Variants in SLC25A48 observed in about 807,000 individuals in gnomAD.
SLC25A48 encodes the protein solute carrier family 25 member 48, also known as CTC-321K16.1.
Under a neutral mutation model 32.2 loss-of-function variants are expected in SLC25A48, and 29 were observed. The ratio of observed to expected loss-of-function variants is 0.90; its 90% CI spans 0.67 to 1.23. The LOEUF is 1.23. SLC25A48 is among the 50% of genes most tolerant of loss of function. SLC25A48 has a pLI of 0.00. For missense variants in SLC25A48, 399 were observed against 422.7 expected (o/e 0.94, Z 0.49); for synonymous variants, 164 against 172.3 (o/e 0.95, Z 0.38).
In SLC25A48 at chr5:135,629,430, C is replaced by A; in HGVS notation, c.-709+54C>A. 6.6e-6 allele frequency: 1 copy of A among 152,418 alleles called. No homozygotes were observed. 9.4% of individuals were successfully genotyped at this position (152,418 alleles called of 1,614,324 possible). On this transcript the variant is annotated intron_variant, in intron 2 of 10. Transcript: ENST00000646290. The surrounding 1 kb of genome is among the most constrained non-coding windows in gnomAD (Gnocchi z 4.8). ...CACAGTGCCCCACTTTGTTGGCTGC[C>A]CCTGAGAGGCAGTTGGGTACACAGG...
At chr5:135,624,057 G>T (rs909967462) in intron 1 of SLC25A48, among the ~76,000 whole-genome samples, 2 of 152,160 alleles carry the variant, frequency 1.3e-5, no homozygotes, top group East Asian at 3.9e-4. Context: ...GGGAGCGGGG[G>T]GTTGGTGTGG....
At chr5:135,633,007 T>C (rs780021758) in intron 2 of SLC25A48, among the ~76,000 whole-genome samples, 4 of 152,178 alleles carry the variant, frequency 2.6e-5, no homozygotes, top group Non-Finnish European at 4.4e-5. Flanking sequence ...AATGATCTGT[T>C]GTGACAAATG....
chr5:135,853,380 C>T (rs1760052433), intron 4 of SLC25A48, among the ~76,000 whole-genome samples: 1 of 152,206 alleles, frequency 6.6e-6, no homozygotes, highest in South Asian at 2.1e-4. Flanking sequence ...GCATTTTACC[C>T]ACAGTAGAAC....
At chr5:135,815,408 T>C (rs1757690788) in intron 4 of SLC25A48, among the ~76,000 whole-genome samples, 1 of 152,168 alleles carries the variant, frequency 6.6e-6, no homozygotes, top group African/African-American at 2.4e-5. Context: ...TGCCAGCTGC[T>C]CACCTCCTGC....
intron 3 of SLC25A48, among the ~76,000 whole-genome samples, chr5:135,676,946 G>A (rs1377719146): frequency 1.3e-5 from 1 of 77,076 alleles, no homozygotes; most frequent in African/African-American, 4.0e-5. Flanking sequence ...TGGATGAAAT[G>A]TTCTGTAAAT....
chr5:135,789,079 AAGAG>A (rs754435899), intron 3 of SLC25A48, among the ~76,000 whole-genome samples: 1 of 148,282 alleles, frequency 6.7e-6, no homozygotes, highest in Non-Finnish European at 1.5e-5. Context: ...AATATCCGAG[AAGAG>A]AGAGAGAGGT....
At chr5:135,658,470 T>C in intron 3 of SLC25A48, among the ~76,000 whole-genome samples, 1 of 152,192 alleles carries the variant, frequency 6.6e-6, no homozygotes, top group East Asian at 1.9e-4. Flanking sequence ...TGTGCTGGCA[T>C]TGAGTGCCTG....
rs564329401 is a variant in SLC25A48, at chr5:135,806,068, C to G, written c.-520-6455C>G. The stretch of plus-strand genomic sequence containing the variant: ...TGTAATAGCTTAGGGAGATATTATC[C>G]CTAATATCTCAGTTATTGTACACCC... On this transcript the variant is annotated intron_variant, in intron 3 of 10. Transcript: ENST00000646290. 2.0e-5 allele frequency among the ~76,000 whole-genome samples: 3 copies of G among 151,592 alleles called. No individual in the cohort carries two copies. In the East Asian group the frequency reaches 5.8e-4, roughly 29 times the overall value.
chr5:135,682,120 G>T (rs1753911657), intron 3 of SLC25A48, among the ~76,000 whole-genome samples: 2 of 152,134 alleles, frequency 1.3e-5, no homozygotes, highest in Non-Finnish European at 1.5e-5. Flanking sequence ...TCTTAACTTA[G>T]GAGAATTTAT....
At chr5:135,710,231 G>A (rs1038799766) in intron 3 of SLC25A48, among the ~76,000 whole-genome samples, 4 of 152,210 alleles carry the variant, frequency 2.6e-5, no homozygotes, top group African/African-American at 4.8e-5. Flanking sequence ...GCTGGTTTTC[G>A]CACAGCTTTG....
At position 135,664,956 on chromosome 5, in the gene SLC25A48, G is replaced by A. The variant is rs557137528; in HGVS notation, c.-521+30000G>A. On this transcript the variant is annotated intron_variant, in intron 3 of 10. Coordinates refer to the SLC25A48 transcript ENST00000646290. The stretch of plus-strand genomic sequence containing the variant: ...TAGATACCCAGCAGTGGGATTGCTG[G>A]ATTGAATGGTAGATCTACTTTAAAT... Among the ~76,000 whole-genome samples the A allele has an allele frequency of 1.2e-4, 18 of 152,274 alleles. No individual in the cohort carries two copies. In the Middle Eastern group the frequency reaches 0.01, roughly 86 times the overall value.
intron 4 of SLC25A48, among the ~76,000 whole-genome samples, chr5:135,856,013 G>C (rs1760286974): frequency 6.6e-6 from 1 of 152,232 alleles, no homozygotes; most frequent in African/African-American, 2.4e-5. Context: ...CTTTCCCAAA[G>C]GAGGGTAGAA....
At chr5:135,610,414 G>C (rs1036296336) in intron 1 of SLC25A48, among the ~76,000 whole-genome samples, 1 of 152,126 alleles carries the variant, frequency 6.6e-6, no homozygotes. Flanking sequence ...CTGCCACAGA[G>C]CCTCATGCCT....
At chr5:135,842,304 A>G (rs1580964755) in intron 1 of SLC25A48, 112 bp from the exon 2 acceptor site, 1 of 1,104,550 alleles carries the variant, frequency 9.1e-7, no homozygotes, top group African/African-American at 1.5e-5. Context: ...CACTCCCCCT[A>G]CCCCAGCAAT....
intron 4 of SLC25A48, among the ~76,000 whole-genome samples, chr5:135,867,217 C>T (rs1761273128): frequency 6.6e-6 from 1 of 152,130 alleles, no homozygotes; most frequent in African/African-American, 2.4e-5. Flanking sequence ...TATGCATGTA[C>T]ACCCTGAAGG....
At chr5:135,849,116 C>T (rs11744615) in intron 2 of SLC25A48, among the ~76,000 whole-genome samples, 20,667 of 152,098 alleles carry the variant, frequency 0.14, 1,740 homozygotes, top group South Asian at 0.21. Flanking sequence ...CAGAAAAGTC[C>T]CATGCAGGAA....
chr5:135,826,486 A>AG (rs1207860736), intron 4 of SLC25A48: 1 of 152,322 alleles, frequency 6.6e-6, no homozygotes, highest in South Asian at 2.1e-4. Flanking sequence ...GCTCAGACAG[A>AG]GGAAGCAGGA....
chr5:135,834,534 TAAGAG>T, upstream of SLC25A48: 1 of 414,068 alleles, frequency 2.4e-6, no homozygotes, highest in Non-Finnish European at 4.3e-6. Flanking sequence ...AAGGGAGGAC[TAAGAG>T]AATTTCACTT....
intron 4 of SLC25A48, among the ~76,000 whole-genome samples, chr5:135,828,237 G>A (rs1250180579): frequency 2.6e-5 from 4 of 152,240 alleles, no homozygotes; most frequent in East Asian, 3.8e-4. Context: ...CCCACCTGCC[G>A]GCCTTGGCTG....
Sources: gnomAD v4.1 joint callset for allele counts (sites outside exome capture counted in the v4.1 genomes callset) on GRCh38, gnomAD v4.1.1 for gene constraint, Gnocchi (gnomAD v3.1) non-coding constraint, MANE v1.5 for transcripts, NCBI Gene and HGNC (gene_info 2026-07-23, HGNC 2026-07-21) for gene names.